TMEM163: variants seen among roughly 807,000 people sequenced by gnomAD.
TMEM163 encodes the protein transmembrane protein 163.
Under a neutral mutation model 29.3 loss-of-function variants are expected in TMEM163, and 17 were observed. That is an observed-to-expected ratio of 0.58 (90% CI 0.40 to 0.87). The LOEUF (loss-of-function observed/expected upper bound fraction) is 0.87, where lower values mean the gene tolerates loss of function less well. Ranked by LOEUF, TMEM163 falls within the 40% of genes least tolerant of loss-of-function variation. The pLI, the probability that TMEM163 is intolerant of heterozygous loss-of-function variation, is 0.00. For synonymous variants in TMEM163, 157 were observed against 160.6 expected (o/e 0.98, Z 0.17); for missense variants, 303 against 381.5 (o/e 0.79, Z 1.71).
chr2:134,561,323 C>T (rs1681176403), intron 2 of TMEM163, among the ~76,000 whole-genome samples: 1 of 152,236 alleles, frequency 6.6e-6, no homozygotes, highest in South Asian at 2.1e-4. Flanking sequence ...CCAGCCTCAG[C>T]CTCCCGAGTA....
intron 2 of TMEM163, among the ~76,000 whole-genome samples, chr2:134,575,146 C>G (rs967507615): frequency 6.6e-6 from 1 of 152,086 alleles, no homozygotes; most frequent in Non-Finnish European, 1.5e-5. Flanking sequence ...CTGTAGGGTT[C>G]TTCTTCCACA....
chr2:134,518,187 G>T (rs865905095), intron 4 of TMEM163, among the ~76,000 whole-genome samples: 4 of 152,184 alleles, frequency 2.6e-5, no homozygotes, highest in African/African-American at 9.7e-5. Flanking sequence ...CAATACACCA[G>T]AGCCTCACTA....
At chr2:134,540,251 CCA>C (rs1680637068) in intron 4 of TMEM163, among the ~76,000 whole-genome samples, 2 of 152,342 alleles carry the variant, frequency 1.3e-5, no homozygotes, top group South Asian at 4.1e-4. Context: ...GGGCTGCGGC[CCA>C]GTTACTTGTC....
chr2:134,457,994 G>C lies in TMEM163; in HGVS notation c.809+38C>G, dbSNP rs929894934. The C allele has an allele frequency of 2.5e-6, 4 of 1,613,528 alleles. No homozygotes were observed. In the Admixed American group the frequency reaches 6.7e-5, roughly 27 times the overall value. Reference sequence around the variant, plus strand: ...AGGCGGTGGAAAAGGGACACTCCTAGCTGCCAGGAAAGCAAACAGGAAAGC... The same window carrying C: ...AGGCGGTGGAAAAGGGACACTCCTACCTGCCAGGAAAGCAAACAGGAAAGC... On this transcript the variant is annotated intron_variant, in intron 7 of 7. Transcript: ENST00000281924.
chr2:134,619,038 G>A (rs756844255), intron 2 of TMEM163, among the ~76,000 whole-genome samples: 13 of 152,046 alleles, frequency 8.6e-5, no homozygotes, highest in Non-Finnish European at 1.5e-5. Context: ...CCTAAGAGTT[G>A]GTTATTTTAA....
rs1686668492 is a variant in TMEM163, at chr2:134,466,319, T to C, written c.556-94A>G. On this transcript the variant is annotated intron_variant, in intron 5 of 7. Transcript: ENST00000281924. ...CCTTACAGATCAGCCTTGTTCCAAG[T>C]ACAAATAGTCAGGTGTGCTGCCACC... 19 of 1,028,502 alleles carry C rather than the reference T, an allele frequency of 1.8e-5. No homozygotes were observed. The South Asian group carries it at 2.2e-4, about 12-fold the overall frequency. 63.7% of individuals were successfully genotyped at this position (1,028,502 alleles called of 1,614,324 possible). A position where few individuals can be genotyped will look rare whatever the true frequency, so the allele number is the denominator to read the frequency against.
At chr2:134,458,771 C>G (rs1434724997) in intron 6 of TMEM163, 1 of 152,550 alleles carries the variant, frequency 6.6e-6, no homozygotes, top group Non-Finnish European at 1.5e-5. Context: ...CCTCCCGAGT[C>G]TCCTCTAAGT....
intron 2 of TMEM163, among the ~76,000 whole-genome samples, chr2:134,592,826 A>G (rs900782723): frequency 5.3e-5 from 8 of 151,654 alleles, no homozygotes; most frequent in African/African-American, 1.5e-4. Flanking sequence ...CTCTCCCTGT[A>G]TGCATATATA....
intron 2 of TMEM163, among the ~76,000 whole-genome samples, chr2:134,671,021 C>T (rs1261081039): frequency 6.6e-6 from 1 of 152,174 alleles, no homozygotes; most frequent in Non-Finnish European, 1.5e-5. Flanking sequence ...CCCTCTGCAC[C>T]CCAGGTTGCT....
intron 2 of TMEM163, among the ~76,000 whole-genome samples, chr2:134,656,244 C>G (rs1433415265): frequency 3.3e-5 from 5 of 150,300 alleles, no homozygotes; most frequent in Admixed American, 2.0e-4. Flanking sequence ...GGGATATAAT[C>G]TCATGGTTCG....
intron 2 of TMEM163, among the ~76,000 whole-genome samples, chr2:134,688,821 C>T (rs1328198468): frequency 1.3e-5 from 2 of 152,134 alleles, no homozygotes; most frequent in African/African-American, 4.8e-5. Flanking sequence ...CTACCACACA[C>T]GCACACTCTC....
chr2:134,527,890 G>GA (rs570510961), intron 4 of TMEM163, among the ~76,000 whole-genome samples: 205 of 152,174 alleles, frequency 1.3e-3, no homozygotes, highest in African/African-American at 4.8e-3. Context: ...CTAAGTCTTG[G>GA]AAAAAATATT....
intron 2 of TMEM163, among the ~76,000 whole-genome samples, chr2:134,644,946 C>T (rs543097601): frequency 3.9e-5 from 6 of 152,128 alleles, no homozygotes; most frequent in East Asian, 3.9e-4. Flanking sequence ...TTTTGAAAAA[C>T]GGTTAAAAGC....
rs1451751278 is a variant in TMEM163, at chr2:134,718,965, G to T, written c.-30C>A. The T allele has an allele frequency of 9.8e-7, 1 of 1,021,822 alleles. No individual in the cohort carries two copies. Among genetic ancestry groups the T allele is most frequent in the Non-Finnish European group, 1.2e-6 (1 of 855,346 alleles). 63.3% of individuals were successfully genotyped at this position (1,021,822 alleles called of 1,614,324 possible). On this transcript the variant is annotated 5_prime_UTR_variant, in exon 1 of 8. Transcript: ENST00000281924. ...CGGGGCTGCGGATCCCGGCGGCGGCGACGACAAGCGCGGCGGGGACTCGAG... is the reference window on the plus strand; with the variant it reads ...CGGGGCTGCGGATCCCGGCGGCGGCTACGACAAGCGCGGCGGGGACTCGAG...
intron 2 of TMEM163, among the ~76,000 whole-genome samples, chr2:134,570,636 C>G (rs1681401447): frequency 6.6e-6 from 1 of 152,124 alleles, no homozygotes; most frequent in South Asian, 2.1e-4. Context: ...TAATATGATC[C>G]TATCCTGCGT....
chr2:134,514,383 C>CA (rs963484796), intron 4 of TMEM163, among the ~76,000 whole-genome samples: 1 of 125,572 alleles, frequency 8.0e-6, no homozygotes. Flanking sequence ...TACTGATGAT[C>CA]TTTTTTTTTT....
At chr2:134,586,019 A>T (rs1681815470) in intron 2 of TMEM163, among the ~76,000 whole-genome samples, 1 of 152,188 alleles carries the variant, frequency 6.6e-6, no homozygotes, top group Admixed American at 6.5e-5. Context: ...GTCTGGAATG[A>T]AGAGCAAGCA....
chr2:134,507,028 C>T (rs925163377), intron 4 of TMEM163, among the ~76,000 whole-genome samples: 5 of 152,016 alleles, frequency 3.3e-5, no homozygotes, highest in African/African-American at 7.3e-5. Flanking sequence ...CCCAGTCAAC[C>T]CAGACTGAAA....
At chr2:134,620,289 T>G (rs1682700956) in intron 2 of TMEM163, among the ~76,000 whole-genome samples, 1 of 151,676 alleles carries the variant, frequency 6.6e-6, no homozygotes, top group Non-Finnish European at 1.5e-5. Context: ...GGAGTTTCAC[T>G]CTTGTTGCCC....
Sources: allele counts gnomAD v4.1 joint callset (sites outside exome capture counted in the v4.1 genomes callset), GRCh38; gene constraint gnomAD v4.1.1; transcripts MANE v1.5; gene names NCBI Gene and HGNC (gene_info 2026-07-23, HGNC 2026-07-21).